ADGRF5: variants seen among roughly 807,000 people sequenced by gnomAD.
ADGRF5 encodes the protein G-protein coupled receptor 116.
Under a neutral mutation model 132.3 loss-of-function variants are expected in ADGRF5, and 75 were observed. The observed-to-expected ratio is 0.57, with a 90% CI of 0.47 to 0.69. The LOEUF (loss-of-function observed/expected upper bound fraction) is 0.69, where lower values mean the gene tolerates loss of function less well. Among genes scored for constraint, ADGRF5 ranks in the 30% least tolerant of loss-of-function variants. The pLI, the probability that ADGRF5 is intolerant of heterozygous loss-of-function variation, is 0.00. For synonymous variants in ADGRF5, 629 were observed against 597.6 expected, an observed-to-expected ratio of 1.05 and a Z score of -0.77; for missense variants, 1,516 against 1,630.6, an observed-to-expected ratio of 0.93 and a Z score of 1.21.
intron 17 of ADGRF5, among the ~76,000 whole-genome samples, chr6:46,857,427 G>T (rs949159809): frequency 3.3e-5 from 5 of 152,134 alleles, no homozygotes; most frequent in South Asian, 2.1e-4. Flanking sequence ...TCAATCCTTG[G>T]GCAAGTTTTT....
chr6:46,938,838 C>A (rs922170540), intron 1 of ADGRF5, among the ~76,000 whole-genome samples: 1 of 151,850 alleles, frequency 6.6e-6, no homozygotes, highest in African/African-American at 2.4e-5. Context: ...AGCCTCTCCC[C>A]AAAACTAGCC....
At chr6:46,933,861 A>G (rs1042678739) in intron 1 of ADGRF5, among the ~76,000 whole-genome samples, 1 of 152,204 alleles carries the variant, frequency 6.6e-6, no homozygotes, top group African/African-American at 2.4e-5. Context: ...GAAGCACAGT[A>G]TACAAAACAT....
Position 46,882,960 on chromosome 6 carries a change from T to C in ADGRF5, c.612+599A>G, listed in dbSNP as rs147358452. 3.8e-3 allele frequency among the ~76,000 whole-genome samples: 579 copies of C among 152,322 alleles called. 6 individuals are homozygous for C. Among genetic ancestry groups the C allele is most frequent in the Middle Eastern group, 0.024 (7 of 294 alleles). ...TTATCTCAGCCCACCTGTAATAATC[T>C]GTGCCACATCCATTGGGAAGCTCTG... On this transcript the variant is annotated intron_variant, in intron 6 of 20. Coordinates refer to ENST00000283296, the MANE Select transcript of ADGRF5 (RefSeq NM_001098518.2).
intron 2 of ADGRF5, among the ~76,000 whole-genome samples, chr6:46,904,579 A>G (rs555579482): frequency 5.3e-5 from 8 of 152,342 alleles, no homozygotes; most frequent in African/African-American, 1.9e-4. Context: ...ACAAATGGGT[A>G]TAGAGTTTGA....
chr6:46,884,683 A>G, intron 4 of ADGRF5, among the ~76,000 whole-genome samples: 1 of 152,312 alleles, frequency 6.6e-6, no homozygotes. Context: ...CAACAGAATA[A>G]GGTAGAGGTG....
At chr6:46,920,614 G>C (rs995907333) in intron 1 of ADGRF5, among the ~76,000 whole-genome samples, 13 of 151,790 alleles carry the variant, frequency 8.6e-5, no homozygotes, top group African/African-American at 3.1e-4. Context: ...CGTAATTCCA[G>C]CATTTTGGGA....
At chr6:46,919,282 T>A (rs575209741) in intron 1 of ADGRF5, among the ~76,000 whole-genome samples, 4 of 152,308 alleles carry the variant, frequency 2.6e-5, no homozygotes, top group African/African-American at 9.6e-5. Flanking sequence ...TCTTCTCATC[T>A]CAGTCCTCCA....
chr6:46,936,308 T>C (rs1777824116), intron 1 of ADGRF5, among the ~76,000 whole-genome samples: 1 of 152,230 alleles, frequency 6.6e-6, no homozygotes, highest in African/African-American at 2.4e-5. Context: ...TTCTAGAGCA[T>C]TAAACTTCAG....
At chr6:46,855,293 C>T (rs568943103) in intron 20 of ADGRF5, among the ~76,000 whole-genome samples, 13 of 152,066 alleles carry the variant, frequency 8.5e-5, no homozygotes, top group Admixed American at 5.2e-4. Flanking sequence ...GGCGTCATCA[C>T]GAATGCCGAG....
chr6:46,915,298 T>TAAG (rs1776332961), intron 1 of ADGRF5, among the ~76,000 whole-genome samples: 1 of 151,622 alleles, frequency 6.6e-6, no homozygotes, highest in South Asian at 2.1e-4. Context: ...TTAATAATAA[T>TAAG]AATAATAATA....
chr6:46,900,973 G>T (rs531048877), intron 2 of ADGRF5, among the ~76,000 whole-genome samples: 1 of 152,256 alleles, frequency 6.6e-6, no homozygotes, highest in South Asian at 2.1e-4. Flanking sequence ...ATAGAATGGG[G>T]ATGAATATAG....
At chr6:46,869,156 G>C in intron 11 of ADGRF5, 64 bp from the exon 12 acceptor site, 3 of 1,554,096 alleles carry the variant, frequency 1.9e-6, no homozygotes, top group Non-Finnish European at 2.6e-6. Flanking sequence ...AGTATCTCTG[G>C]GGACATTAAC....
chr6:46,950,370 A>G (rs917117191), intron 1 of ADGRF5, among the ~76,000 whole-genome samples: 8 of 152,180 alleles, frequency 5.3e-5, no homozygotes, highest in African/African-American at 1.9e-4. Context: ...TTAAATATTT[A>G]AAAGCAGCCC....
chr6:46,918,745 T>A (rs1474849477), intron 1 of ADGRF5, among the ~76,000 whole-genome samples: 1 of 152,214 alleles, frequency 6.6e-6, no homozygotes, highest in Non-Finnish European at 1.5e-5. Flanking sequence ...TTCATTCTGA[T>A]GTGCAGATGT....
Position 46,863,105 on chromosome 6 carries a change from G to A in ADGRF5, c.1991-9C>T. On this transcript the variant is annotated splice_polypyrimidine_tract_variant and intron_variant, in intron 14 of 20. Transcript: ENST00000283296. ...GCATGTGATGTTTTCCCCTGTGTTGGAAACATTGAAATAAAGGGATAATTG... is the reference window on the plus strand; with the variant it reads ...GCATGTGATGTTTTCCCCTGTGTTGAAAACATTGAAATAAAGGGATAATTG... The A allele has an allele frequency of 6.3e-7, 1 of 1,594,996 alleles. No homozygotes were observed. The highest frequency in any genetic ancestry group is 8.6e-7 in the Non-Finnish European group (1 of 1,162,668).
intron 1 of ADGRF5, among the ~76,000 whole-genome samples, chr6:46,910,624 A>C (rs2150905866): frequency 6.6e-6 from 1 of 152,318 alleles, no homozygotes; most frequent in Non-Finnish European, 1.5e-5. Flanking sequence ...TGGCAAAATT[A>C]TAAACAAAGC....
intron 10 of ADGRF5, among the ~76,000 whole-genome samples, chr6:46,875,408 A>AT (rs1404412182): frequency 6.6e-6 from 1 of 152,222 alleles, no homozygotes; most frequent in Non-Finnish European, 1.5e-5. Context: ...ACCTTCCTCT[A>AT]TAAAATGGTG....
chr6:46,888,837 T>C (rs1773326527), intron 3 of ADGRF5, among the ~76,000 whole-genome samples: 1 of 152,106 alleles, frequency 6.6e-6, no homozygotes, highest in African/African-American at 2.4e-5. Context: ...ATCTGCAGTA[T>C]GCATCATTCG....
chr6:46,857,419 A>G (rs554744368), intron 17 of ADGRF5, among the ~76,000 whole-genome samples: 1 of 152,278 alleles, frequency 6.6e-6, no homozygotes, highest in East Asian at 1.9e-4. Context: ...CAGTGGCCTC[A>G]ATCCTTGGGC....
Sources: allele counts gnomAD v4.1 joint callset (sites outside exome capture counted in the v4.1 genomes callset), GRCh38; gene constraint gnomAD v4.1.1; transcripts MANE v1.5; gene names NCBI Gene and HGNC (gene_info 2026-07-23, HGNC 2026-07-21).